The following FMNL2 variants were observed in gnomAD, a reference collection of about 807,000 sequenced individuals.
The protein encoded by FMNL2 is formin like 2.
Under a neutral mutation model 130.2 loss-of-function variants are expected in FMNL2, and 51 were observed. The ratio of observed to expected loss-of-function variants is 0.39; its 90% CI spans 0.31 to 0.49. The LOEUF (loss-of-function observed/expected upper bound fraction) is 0.49, where lower values mean the gene tolerates loss of function less well. Among genes scored for constraint, FMNL2 ranks in the 20% least tolerant of loss-of-function variants. The probability of loss-of-function intolerance (pLI) is 0.85; values close to 1 mark genes in which losing one functional copy is unlikely to be tolerated. For synonymous variants in FMNL2, 465 were observed against 467.1 expected (o/e 1.00, Z 0.06); for missense variants, 977 against 1,316.2 (o/e 0.74, Z 3.99).
chr2:152,415,878 T>A (rs1686584309), intron 1 of FMNL2, among the ~76,000 whole-genome samples: 1 of 152,210 alleles, frequency 6.6e-6, no homozygotes, highest in Non-Finnish European at 1.5e-5. Flanking sequence ...CCATAGCTGC[T>A]TCTGCCAAAG....
intron 1 of FMNL2, among the ~76,000 whole-genome samples, chr2:152,415,530 T>C (rs553642674): frequency 6.6e-6 from 1 of 152,056 alleles, no homozygotes; most frequent in East Asian, 1.9e-4. Context: ...CTGCCTGATG[T>C]TTTCCATTTT....
At chr2:152,508,484 G>A (rs937803038) in intron 1 of FMNL2, among the ~76,000 whole-genome samples, 2 of 152,204 alleles carry the variant, frequency 1.3e-5, no homozygotes, top group Non-Finnish European at 2.9e-5. Flanking sequence ...GATGAAGTGC[G>A]TTGCATTAGC....
At chr2:152,515,434 A>G (rs1436157724) in intron 1 of FMNL2, among the ~76,000 whole-genome samples, 1 of 152,162 alleles carries the variant, frequency 6.6e-6, no homozygotes, top group Admixed American at 6.5e-5. Context: ...GCTCCAGTTT[A>G]TATTTTTCAA....
rs1193237336 is a variant in FMNL2 at position 152,505,053 on chromosome 2, TAA to T, written c.118-16888_118-16887del. Among the ~76,000 whole-genome samples, 4 of 152,240 alleles carry T rather than the reference TAA, an allele frequency of 2.6e-5. 1 individual carries two copies. Among genetic ancestry groups the T allele is most frequent in the Non-Finnish European group, 5.9e-5 (4 of 68,032 alleles). ...TGCATGATATTTCCCTCTGTTTATC[TAA>T]AGTTATTTGTAGTATTTCTGTCCTG... On this transcript the variant is annotated intron_variant, in intron 1 of 25. Coordinates refer to ENST00000288670, the MANE Select transcript of FMNL2 (RefSeq NM_052905.4).
Position 152,460,101 on chromosome 2 carries a change from T to C in FMNL2, c.118-61842T>C, listed in dbSNP as rs147583827. ...CTATTAAATATAAATATTCTGTGAA[T>C]CAAGTAGGCTGTGAAAATTTATGTC... On this transcript the variant is annotated intron_variant, in intron 1 of 25. Coordinates refer to ENST00000288670, the MANE Select transcript of FMNL2 (RefSeq NM_052905.4). Among the ~76,000 whole-genome samples, 57 of 152,336 alleles carry C rather than the reference T, an allele frequency of 3.7e-4. 1 individual carries two copies. In the East Asian group the frequency reaches 0.01, roughly 28 times the overall value.
chr2:152,604,230 A>T (rs929386076), intron 9 of FMNL2, among the ~76,000 whole-genome samples: 1 of 150,846 alleles, frequency 6.6e-6, no homozygotes, highest in Non-Finnish European at 1.5e-5. Flanking sequence ...GGGAGAAGGA[A>T]CCTCAGGCTG....
intron 1 of FMNL2, among the ~76,000 whole-genome samples, chr2:152,421,454 A>G (rs1686918117): frequency 2.0e-5 from 3 of 152,194 alleles, no homozygotes; most frequent in African/African-American, 7.2e-5. Context: ...GGGGAAACTC[A>G]AGTGCAATTG....
intron 1 of FMNL2, among the ~76,000 whole-genome samples, chr2:152,401,030 G>C (rs932171172): frequency 3.9e-5 from 6 of 152,222 alleles, no homozygotes; most frequent in African/African-American, 1.4e-4. Context: ...GTTACATGTA[G>C]GAAGATGTTG....
intron 13 of FMNL2, 89 bp downstream of exon 13, chr2:152,617,281 C>T (rs1001044482): frequency 9.2e-7 from 1 of 1,092,888 alleles, no homozygotes; most frequent in Admixed American, 2.2e-5. Flanking sequence ...ACCTTCATTT[C>T]AGAGGAATGC....
Position 152,542,750 on chromosome 2 carries a change from G to A in FMNL2, c.213G>A (p.Gln71=), listed in dbSNP as rs757464181. The A allele has an allele frequency of 1.9e-6, 3 of 1,614,034 alleles. No homozygotes were observed. The highest frequency in any genetic ancestry group is 1.7e-6 in the Non-Finnish European group (2 of 1,179,922). Residue 71 remains glutamine, a synonymous_variant, in exon 3 of 26, where the codon CAG becomes CAA. Coordinates refer to ENST00000288670, the MANE Select transcript of FMNL2 (RefSeq NM_052905.4). ...WELICDQERF[Q]VKNPPHTYIQ... Reference sequence around the variant, plus strand: ...TGTGCTTTCTGCAGGAACGATTCCAGGTGAAGAATCCTCCCCATACATACA... The same window carrying A: ...TGTGCTTTCTGCAGGAACGATTCCAAGTGAAGAATCCTCCCCATACATACA...
At chr2:152,524,502 T>C (rs768414363) in intron 2 of FMNL2, among the ~76,000 whole-genome samples, 1 of 152,178 alleles carries the variant, frequency 6.6e-6, no homozygotes, top group Non-Finnish European at 1.5e-5. Flanking sequence ...TTCTGTGTTA[T>C]AGTAGGTGAA....
At chr2:152,341,706 G>T (rs1024979573) in intron 1 of FMNL2, among the ~76,000 whole-genome samples, 3 of 152,180 alleles carry the variant, frequency 2.0e-5, no homozygotes, top group African/African-American at 7.2e-5. Context: ...AATACATTGT[G>T]ATTCATTAGT....
chr2:152,450,478 C>T (rs191834761), intron 1 of FMNL2, among the ~76,000 whole-genome samples: 247 of 152,276 alleles, frequency 1.6e-3, no homozygotes, highest in Middle Eastern at 0.01. Flanking sequence ...CAGTGTTATA[C>T]TTAAAGATGA....
intron 1 of FMNL2, among the ~76,000 whole-genome samples, chr2:152,375,867 C>A (rs1480990655): frequency 8.8e-6 from 1 of 113,130 alleles, no homozygotes; most frequent in African/African-American, 3.4e-5. Context: ...CTCTCTCTCT[C>A]TCTCTCTCTC....
At chr2:152,573,281 A>G (rs1417743119) in intron 6 of FMNL2, among the ~76,000 whole-genome samples, 1 of 152,142 alleles carries the variant, frequency 6.6e-6, no homozygotes, top group African/African-American at 2.4e-5. Context: ...GAGAAATGAC[A>G]CCTATCTAGG....
chr2:152,365,563 G>C (rs567466784), intron 1 of FMNL2, among the ~76,000 whole-genome samples: 4 of 152,194 alleles, frequency 2.6e-5, no homozygotes, highest in Admixed American at 6.5e-5. Context: ...CCTGAGGTCA[G>C]GAGTTCGACA....
intron 12 of FMNL2, 113 bp from the exon 13 acceptor site, chr2:152,616,978 G>A (rs13417781): frequency 0.19 from 150,444 of 792,986 alleles, 16,502 homozygotes; most frequent in African/African-American, 0.42. Context: ...AACAACTTGC[G>A]GAACACATGC....
intron 6 of FMNL2, among the ~76,000 whole-genome samples, chr2:152,562,044 A>G (rs1316439839): frequency 6.6e-6 from 1 of 152,174 alleles, no homozygotes; most frequent in East Asian, 1.9e-4. Flanking sequence ...TTCACTGAAA[A>G]ATATTTTTGT....
intron 1 of FMNL2, among the ~76,000 whole-genome samples, chr2:152,484,747 G>A (rs1038942580): frequency 9.9e-5 from 15 of 152,222 alleles, no homozygotes; most frequent in African/African-American, 3.6e-4. Flanking sequence ...GGGTGACAGA[G>A]TGAGACCCTG....
Sources: gnomAD v4.1 joint callset for allele counts (sites outside exome capture counted in the v4.1 genomes callset) on GRCh38, gnomAD v4.1.1 for gene constraint, MANE v1.5 for transcripts, NCBI Gene and HGNC (gene_info 2026-07-23, HGNC 2026-07-21) for gene names.